DEPDC5: variants seen among roughly 807,000 people sequenced by gnomAD.
The protein encoded by DEPDC5 is GATOR1 complex protein DEPDC5.
Under a neutral mutation model 217.3 loss-of-function variants are expected in DEPDC5, and 73 were observed. The observed-to-expected ratio is 0.34, with a 90% CI of 0.28 to 0.41. The LOEUF is 0.41. Among genes scored for constraint, DEPDC5 ranks in the 10% least tolerant of loss-of-function variants. DEPDC5 has a pLI of 1.00. For synonymous variants in DEPDC5, 733 were observed against 756.7 expected, an observed-to-expected ratio of 0.97 and a Z score of 0.51; for missense variants, 1,675 against 2,070.1, an observed-to-expected ratio of 0.81 and a Z score of 3.70.
At chr22:31,845,320 C>A in intron 30 of DEPDC5, 83 bp downstream of exon 30, 1 of 1,498,970 alleles carries the variant, frequency 6.7e-7, no homozygotes. Context: ...CTCTCATCAT[C>A]AGCCTACTTA....
chr22:31,874,604 C>T (rs929465403), intron 36 of DEPDC5, among the ~76,000 whole-genome samples, 199 bp downstream of exon 36: 31 of 152,092 alleles, frequency 2.0e-4, no homozygotes, highest in African/African-American at 5.6e-4. Flanking sequence ...ACTTAAAAAC[C>T]GTGCAGAATT....
intron 38 of DEPDC5, among the ~76,000 whole-genome samples, chr22:31,886,321 T>C (rs1028022712): frequency 2.6e-5 from 4 of 152,164 alleles, no homozygotes; most frequent in Non-Finnish European, 5.9e-5. Context: ...TTCCCTCTCT[T>C]GACAGTTTCT....
intron 8 of DEPDC5, among the ~76,000 whole-genome samples, chr22:31,782,282 C>T (rs543721239): frequency 1.3e-5 from 2 of 151,818 alleles, no homozygotes; most frequent in African/African-American, 4.8e-5. Flanking sequence ...GGATTATAGG[C>T]GCTCACCACC....
At chr22:31,754,751 G>T (rs2075174338) in intron 1 of DEPDC5, 111 bp from the exon 2 acceptor site, 3 of 668,630 alleles carry the variant, frequency 4.5e-6, no homozygotes, top group Non-Finnish European at 7.7e-6. Flanking sequence ...AGAGTCACTT[G>T]GCACCACTTC....
In DEPDC5 at chr22:31,797,803, G is replaced by A. The variant is rs957533725; in HGVS notation, c.871+100G>A. On this transcript the variant is annotated intron_variant, in intron 13 of 42. Coordinates refer to ENST00000651528, the MANE Select transcript of DEPDC5 (RefSeq NM_001242896.3). ...GTGTGCTTGTTTCTCTCCCATTGCC[G>A]TGTGTAGTTTCTGCTTTTGGTCAGG... The A allele has an allele frequency of 7.4e-5, 67 of 901,136 alleles. 1 individual carries two copies. Among genetic ancestry groups the A allele is most frequent in the African/African-American group, 1.5e-4 (9 of 60,812 alleles). The allele number at this position is 901,136 out of a possible 1,614,324, so 55.8% of individuals were successfully genotyped here.
intron 33 of DEPDC5, among the ~76,000 whole-genome samples, chr22:31,864,514 A>ATATATATATATATATATATATATATT (rs2092623005): frequency 7.2e-6 from 1 of 139,520 alleles, no homozygotes; most frequent in African/African-American, 2.7e-5. Flanking sequence ...ATATATATAT[A>ATATATATATATATATATATATATATT]TATATATATA....
rs1471018853 is a variant in DEPDC5 at position 31,798,570 on chromosome 22, A to G, written c.872-12A>G. ...TGAGATGTTTTTCTTTCTCTTGCATATTTTGCTTCAGAGGGCTTTCCTCAA... is the reference window on the plus strand; with the variant it reads ...TGAGATGTTTTTCTTTCTCTTGCATGTTTTGCTTCAGAGGGCTTTCCTCAA... On this transcript the variant is annotated splice_polypyrimidine_tract_variant and intron_variant, in intron 13 of 42. Coordinates refer to ENST00000651528, the MANE Select transcript of DEPDC5 (RefSeq NM_001242896.3). 6.2e-7 allele frequency: 1 copy of G among 1,605,618 alleles called. No individual in the cohort carries two copies. The highest frequency in any genetic ancestry group is 1.7e-5 in the Admixed American group (1 of 59,286).
chr22:31,860,467 A>G (rs1470207173), intron 32 of DEPDC5, among the ~76,000 whole-genome samples: 1 of 152,222 alleles, frequency 6.6e-6, no homozygotes, highest in Non-Finnish European at 1.5e-5. Context: ...CTGAATTTCT[A>G]TGATAACCAG....
rs147590012 is a variant in DEPDC5 at position 31,844,874 on chromosome 22, C to T, written c.2802-144C>T. The T allele has an allele frequency of 2.7e-5, 23 of 858,132 alleles. No homozygotes were observed. In the East Asian group the frequency reaches 5.6e-4, roughly 21 times the overall value. The allele number at this position is 858,132 out of a possible 1,614,324, so 53.2% of individuals were successfully genotyped here. On this transcript the variant is annotated intron_variant, in intron 29 of 42. Transcript: ENST00000651528. ...CCATTCTCAGAACTTGTATTTTCAA[C>T]AAAGCCATGAGCTGTAGCATCAAAT...
chr22:31,890,018 C>A (rs1215196032), intron 38 of DEPDC5, among the ~76,000 whole-genome samples: 2 of 152,058 alleles, frequency 1.3e-5, no homozygotes, highest in African/African-American at 4.8e-5. Context: ...CATTGGCAAA[C>A]TAATGGCCTA....
At chr22:31,893,251 C>T (rs1454017169) in intron 38 of DEPDC5, among the ~76,000 whole-genome samples, 3 of 152,036 alleles carry the variant, frequency 2.0e-5, no homozygotes, top group East Asian at 1.9e-4. Flanking sequence ...ATAGTTTAAC[C>T]GCCCTAAAAC....
At chr22:31,864,892 T>C (rs567848792) in intron 33 of DEPDC5, among the ~76,000 whole-genome samples, 1 of 152,258 alleles carries the variant, frequency 6.6e-6, no homozygotes, top group East Asian at 1.9e-4. Flanking sequence ...GGTTTCACCA[T>C]GCTGGCCAGG....
intron 14 of DEPDC5, among the ~76,000 whole-genome samples, chr22:31,802,209 G>A (rs1221993583): frequency 1.4e-5 from 2 of 144,968 alleles, no homozygotes; most frequent in East Asian, 2.0e-4. Context: ...GGCTCACTGC[G>A]CCTCTGCCTC....
At chr22:31,814,714 CAGTGGGATT>C (rs2088861036) in intron 20 of DEPDC5, 2 of 440,528 alleles carry the variant, frequency 4.5e-6, no homozygotes, top group Admixed American at 7.4e-5. Flanking sequence ...AGAGATTAAT[CAGTGGGATT>C]AGGTGGGGTC....
At chr22:31,771,073 C>T (rs896214390) in intron 7 of DEPDC5, among the ~76,000 whole-genome samples, 8 of 152,114 alleles carry the variant, frequency 5.3e-5, no homozygotes, top group Admixed American at 3.9e-4. Context: ...GTTGAGCCAC[C>T]GCACGCGGCC....
chr22:31,765,445 G>A (rs569254322), intron 5 of DEPDC5, among the ~76,000 whole-genome samples: 21 of 151,982 alleles, frequency 1.4e-4, no homozygotes, highest in African/African-American at 2.7e-4. Flanking sequence ...CTGCACCACC[G>A]CACCCAGCTA....
chr22:31,901,597 T>C (rs2093649602), intron 40 of DEPDC5, 145 bp from the exon 41 acceptor site: 1 of 655,296 alleles, frequency 1.5e-6, no homozygotes, highest in African/African-American at 1.8e-5. Flanking sequence ...AGGCCAGTCT[T>C]TCTCAAAGGG....
At chr22:31,804,789 C>G in intron 16 of DEPDC5, 53 bp from the exon 17 acceptor site, 1 of 1,571,972 alleles carries the variant, frequency 6.4e-7, no homozygotes, top group Non-Finnish European at 8.7e-7. Flanking sequence ...TAGAGCAGTT[C>G]CAAAACCTAC....
intron 2 of DEPDC5, among the ~76,000 whole-genome samples, chr22:31,757,773 TA>T (rs1481535968): frequency 6.6e-5 from 10 of 152,142 alleles, no homozygotes; most frequent in African/African-American, 2.4e-4. Flanking sequence ...TTTATTTATT[TA>T]TTTTTTTGAG....
Sources: allele counts gnomAD v4.1 joint callset (sites outside exome capture counted in the v4.1 genomes callset), GRCh38; gene constraint gnomAD v4.1.1; transcripts MANE v1.5; gene names NCBI Gene and HGNC (gene_info 2026-07-23, HGNC 2026-07-21).